Variants in PICALM observed in about 807,000 individuals in gnomAD.
PICALM encodes the protein phosphatidylinositol binding clathrin assembly protein.
Under a neutral mutation model 80.5 loss-of-function variants are expected in PICALM, and 40 were observed. That is an observed-to-expected ratio of 0.50 (90% CI 0.39 to 0.65). The LOEUF (loss-of-function observed/expected upper bound fraction) is 0.65, where lower values mean the gene tolerates loss of function less well. Ranked by LOEUF, PICALM falls within the 30% of genes least tolerant of loss-of-function variation. PICALM has a pLI of 0.00. For missense variants in PICALM, 676 were observed against 778.9 expected, an observed-to-expected ratio of 0.87 and a Z score of 1.57; for synonymous variants, 288 against 260.3, an observed-to-expected ratio of 1.11 and a Z score of -1.02.
intron 1 of PICALM, among the ~76,000 whole-genome samples, chr11:86,050,522 A>G (rs540216760): frequency 6.6e-6 from 1 of 152,352 alleles, no homozygotes; most frequent in East Asian, 1.9e-4. Flanking sequence ...CAGCATTCAT[A>G]TAATTTAAGA....
At chr11:86,067,338 CA>C (rs1451711560) in intron 1 of PICALM, among the ~76,000 whole-genome samples, 1 of 152,126 alleles carries the variant, frequency 6.6e-6, no homozygotes, top group African/African-American at 2.4e-5. Flanking sequence ...TGTGTCCAGT[CA>C]TTTAAAAAGG....
chr11:86,054,538 C>CT (rs1202099962), intron 1 of PICALM, among the ~76,000 whole-genome samples: 3 of 152,108 alleles, frequency 2.0e-5, no homozygotes, highest in Non-Finnish European at 4.4e-5. Flanking sequence ...CCATAAAGCG[C>CT]TTTTTTGCCC....
At chr11:86,001,239 C>T (rs1476925192) in intron 9 of PICALM, 81 bp from the exon 10 acceptor site, 2 of 1,363,316 alleles carry the variant, frequency 1.5e-6, no homozygotes, top group African/African-American at 1.4e-5. Context: ...GTCTGGCAAC[C>T]TTGCCATGGA....
chr11:86,008,937 GAAAAAAAAAAAAGCCAAAAAA>G (rs1322091123), intron 7 of PICALM, among the ~76,000 whole-genome samples: 1 of 56,040 alleles, frequency 1.8e-5, no homozygotes, highest in African/African-American at 7.0e-5. Flanking sequence ...CCAGAAAAAG[GAAAAAAAAAAAAGCCAAAAAA>G]AAAAAAAAAG....
At chr11:85,998,795 T>C (rs1399493541) in intron 11 of PICALM, among the ~76,000 whole-genome samples, 3 of 151,870 alleles carry the variant, frequency 2.0e-5, no homozygotes, top group African/African-American at 7.3e-5. Flanking sequence ...AGAGAGAGAT[T>C]GAGAGAGAAA....
Position 85,959,057 on chromosome 11 carries a change from G to C in PICALM, c.1948C>G (p.Gln650Glu), listed in dbSNP as rs757488828. The C allele has an allele frequency of 4.4e-6, 7 of 1,582,950 alleles. No homozygotes were observed. The Admixed American group carries it at 5.2e-5, about 12-fold the overall frequency. ...TTTCTTCCATCAAGTTACATAAACT[G>C]TATCTGGAAAAAAAAAGTGGGTATG... is the stretch of plus-strand genomic sequence containing the variant. ...PFGPVSGAQI[Q>E]FM Residue 650 changes from glutamine to glutamate, a missense_variant, in exon 20 of 20, where the codon CAG becomes GAG. This residue lies in a region of PICALM where 391 missense variants were observed against 383.6 expected (regional missense o/e 1.02). Coordinates refer to ENST00000393346, the MANE Select transcript of PICALM (RefSeq NM_007166.4).
chr11:86,035,402 C>A (rs1193908405), intron 1 of PICALM, among the ~76,000 whole-genome samples: 1 of 152,164 alleles, frequency 6.6e-6, no homozygotes, highest in Non-Finnish European at 1.5e-5. Context: ...ATCTAAACAG[C>A]AACTCACTAG....
intron 1 of PICALM, among the ~76,000 whole-genome samples, chr11:86,040,106 G>A (rs1358273299): frequency 6.6e-6 from 1 of 151,624 alleles, no homozygotes; most frequent in East Asian, 1.9e-4. Flanking sequence ...GAAACAAACT[G>A]TCTTAGTGTT....
rs758909122 is a variant in PICALM at position 86,007,565 on chromosome 11, C to T, written c.784G>A (p.Gly262Ser). The stretch of plus-strand genomic sequence containing the variant: ...ACCTGTGAAAGGTCTGGTATATCAC[C>T]TCTGTCAATTCCAACTTGCTGTAAG... Reference protein sequence around the residue: ...KVAEQVGIDRGDIPDLSQAPS... With the variant: ...KVAEQVGIDRSDIPDLSQAPS... Residue 262 changes from glycine (G) to serine (S), a missense_variant, in exon 8 of 20, where the codon GGT (glycine) becomes AGT (serine). Gly to Ser is a moderately conservative substitution (Grantham distance 56, BLOSUM62 0). Around this residue, in one of 2 missense-constraint regions of PICALM, gnomAD observed 285 missense variants for 395.4 expected, o/e 0.72. Coordinates refer to ENST00000393346, the MANE Select transcript of PICALM (RefSeq NM_007166.4). 6.7e-7 allele frequency: 1 copy of T among 1,492,492 alleles called. No homozygotes were observed. Among genetic ancestry groups the T allele is most frequent in the Non-Finnish European group, 9.3e-7 (1 of 1,080,276 alleles). The allele number at this position is 1,492,492 out of a possible 1,614,324, so 92.5% of individuals were successfully genotyped here. A position where few individuals can be genotyped will look rare whatever the true frequency, so the allele number is the denominator to read the frequency against.
chr11:86,003,265 A>G (rs1592777887), intron 9 of PICALM, 101 bp downstream of exon 9: 2 of 593,692 alleles, frequency 3.4e-6, no homozygotes. Context: ...AGAAAATGAA[A>G]TCAAGATATA....
At chr11:85,967,246 C>A (rs1592328581) in intron 19 of PICALM, among the ~76,000 whole-genome samples, 1 of 152,192 alleles carries the variant, frequency 6.6e-6, no homozygotes, top group South Asian at 2.1e-4. Context: ...AATACATTCC[C>A]ATTCTTTCTG....
At chr11:86,021,967 A>G (rs1356515582) in intron 4 of PICALM, among the ~76,000 whole-genome samples, 1 of 152,250 alleles carries the variant, frequency 6.6e-6, no homozygotes, top group Non-Finnish European at 1.5e-5. Flanking sequence ...AGAATAGACA[A>G]GCCCAGAGAC....
At chr11:86,040,778 A>G (rs2095948738) in intron 1 of PICALM, among the ~76,000 whole-genome samples, 1 of 152,138 alleles carries the variant, frequency 6.6e-6, no homozygotes, top group South Asian at 2.1e-4. Flanking sequence ...GAAGCCACAC[A>G]CTTTCAGAGC....
At chr11:86,032,159 T>C (rs2095762593) in intron 1 of PICALM, among the ~76,000 whole-genome samples, 1 of 152,178 alleles carries the variant, frequency 6.6e-6, no homozygotes, top group Non-Finnish European at 1.5e-5. Flanking sequence ...TGTTTGTTCA[T>C]ACAAAAGATT....
chr11:85,965,610 T>A (rs1248566591), intron 19 of PICALM, among the ~76,000 whole-genome samples: 1 of 149,444 alleles, frequency 6.7e-6, no homozygotes, highest in Non-Finnish European at 1.5e-5. Flanking sequence ...CAGCTTCCCC[T>A]GTGAGATAGT....
chr11:85,986,387 T>C (rs1488564073), intron 13 of PICALM, among the ~76,000 whole-genome samples: 1 of 121,150 alleles, frequency 8.3e-6, no homozygotes, highest in African/African-American at 3.3e-5. Flanking sequence ...TTTTTTTTTT[T>C]TTTTTTTTTT....
At position 86,027,876 on chromosome 11, in the gene PICALM, AAAATCAATGTGT is replaced by A. The variant is rs1331518688; in HGVS notation, c.274-1521_274-1510del. On this transcript the variant is annotated intron_variant, in intron 2 of 19. Transcript: ENST00000393346. ...CCCAAACTAACAAACCAGGATTTTG[AAAATCAATGTGT>A]AAACTGAAGACTCATATTTCACAAT... 8.5e-5 allele frequency among the ~76,000 whole-genome samples: 13 copies of A among 152,166 alleles called. 1 individual carries two copies. The highest frequency in any genetic ancestry group is 2.9e-4 in the African/African-American group (12 of 41,446).
At chr11:85,989,274 T>C (rs1450952014) in intron 13 of PICALM, among the ~76,000 whole-genome samples, 1 of 152,192 alleles carries the variant, frequency 6.6e-6, no homozygotes. Flanking sequence ...ACTAGTCATA[T>C]TTTTACAACA....
At chr11:86,009,440 C>G (rs2095350657) in intron 7 of PICALM, among the ~76,000 whole-genome samples, 1 of 151,664 alleles carries the variant, frequency 6.6e-6, no homozygotes, top group African/African-American at 2.4e-5. Flanking sequence ...GCCTGTAATC[C>G]CAGCACTTTG....
Sources: allele counts gnomAD v4.1 joint callset (sites outside exome capture counted in the v4.1 genomes callset), GRCh38; gene constraint gnomAD v4.1.1; regional missense constraint gnomAD v4.1.1; transcripts MANE v1.5; gene names NCBI Gene and HGNC (gene_info 2026-07-23, HGNC 2026-07-21).